The following SYCE2 variants were observed in gnomAD, a reference collection of about 807,000 sequenced individuals.
SYCE2 encodes the protein central element synaptonemal complex 1.
SYCE2 carries 3 observed loss-of-function variants against 27.9 expected under a neutral mutation model. The observed-to-expected ratio is 0.11, with a 90% CI of 0.05 to 0.28. SYCE2 has a LOEUF of 0.28. Ranked by LOEUF, SYCE2 falls within the 10% of genes least tolerant of loss-of-function variation. The pLI, the probability that SYCE2 is intolerant of heterozygous loss-of-function variation, is 1.00. For synonymous variants in SYCE2, 85 were observed against 100.7 expected, an observed-to-expected ratio of 0.84 and a Z score of 0.93; for missense variants, 207 against 263.5, an observed-to-expected ratio of 0.79 and a Z score of 1.48.
chr19:12,917,127 C>T (rs1033962266), intron 2 of SYCE2, among the ~76,000 whole-genome samples: 2 of 150,102 alleles, frequency 1.3e-5, no homozygotes, highest in African/African-American at 4.9e-5. Context: ...TGCAATGGCA[C>T]AATCTTGGCT....
intron 2 of SYCE2, among the ~76,000 whole-genome samples, chr19:12,916,932 T>C (rs914614665): frequency 6.6e-5 from 10 of 152,254 alleles, no homozygotes; most frequent in African/African-American, 1.9e-4. Context: ...GTGTTTTTAG[T>C]AGAGACGGAG....
chr19:12,910,685 A>T (rs746313183), intron 2 of SYCE2, among the ~76,000 whole-genome samples: 14 of 143,214 alleles, frequency 9.8e-5, no homozygotes, highest in Non-Finnish European at 2.1e-4. Context: ...TTATATATAT[A>T]TATTTTTTTT....
At chr19:12,908,412 C>A (rs934714926) in intron 2 of SYCE2, among the ~76,000 whole-genome samples, 2 of 151,844 alleles carry the variant, frequency 1.3e-5, no homozygotes, top group African/African-American at 2.4e-5. Context: ...GCAAGCTCTG[C>A]CTCCCGGGTT....
In SYCE2 at chr19:12,916,873, C is replaced by T. The variant is rs1971147505; in HGVS notation, c.131+1349G>A. Among the ~76,000 whole-genome samples the T allele has an allele frequency of 1.3e-5, 2 of 151,972 alleles. 1 individual carries two copies. The highest frequency in any genetic ancestry group is 4.1e-4 in the South Asian group (2 of 4,822). ...CAAGGGATCCTCCTGCCTTGGCCTC[C>T]TGAATAGCCAGGACTACATGCATGC... On this transcript the variant is annotated intron_variant, in intron 2 of 5. Coordinates refer to ENST00000293695, the MANE Select transcript of SYCE2 (RefSeq NM_001105578.2).
intron 2 of SYCE2, among the ~76,000 whole-genome samples, chr19:12,906,577 T>C (rs893975000): frequency 3.3e-5 from 5 of 152,190 alleles, no homozygotes; most frequent in Non-Finnish European, 7.3e-5. Context: ...AAATTCTGCA[T>C]ATAGATTGCT....
At chr19:12,904,813 C>T (rs1305386069) in intron 2 of SYCE2, 147 bp from the exon 3 acceptor site, 9 of 857,278 alleles carry the variant, frequency 1.0e-5, no homozygotes, top group Non-Finnish European at 1.2e-5. Flanking sequence ...AGCCTGGCAA[C>T]ATGGTGAAAC....
chr19:12,908,319 C>T (rs1970978363), intron 2 of SYCE2, among the ~76,000 whole-genome samples: 1 of 146,938 alleles, frequency 6.8e-6, no homozygotes, highest in Non-Finnish European at 1.5e-5. Flanking sequence ...AGAGTCTCAC[C>T]CTGGGCTTCT....
chr19:12,904,258 T>C (rs575884983), intron 3 of SYCE2, among the ~76,000 whole-genome samples: 3 of 152,288 alleles, frequency 2.0e-5, no homozygotes, highest in Admixed American at 1.3e-4. Flanking sequence ...TAAGGGTAAA[T>C]TGAGATACAG....
chr19:12,913,011 G>A lies in SYCE2; in HGVS notation c.131+5211C>T, dbSNP rs185506561. On this transcript the variant is annotated intron_variant, in intron 2 of 5. Coordinates refer to ENST00000293695, the MANE Select transcript of SYCE2 (RefSeq NM_001105578.2). ...CAATTAACTTTAACAAACAAAATGC[G>A]TGGTGTCCTCTCTGCTGGCTTTCCC... Among the ~76,000 whole-genome samples the A allele has an allele frequency of 1.8e-3, 269 of 152,316 alleles. 2 individuals carry two copies. Among genetic ancestry groups the A allele is most frequent in the Non-Finnish European group, 2.8e-3 (189 of 68,034 alleles).
intron 2 of SYCE2, among the ~76,000 whole-genome samples, chr19:12,911,629 T>TTC (rs1971046619): frequency 6.8e-6 from 1 of 146,926 alleles, no homozygotes; most frequent in South Asian, 2.2e-4. Flanking sequence ...TTTTTTTTTT[T>TTC]TTTTTTTAGA....
Position 12,899,544 on chromosome 19 carries a change from C to T in SYCE2, c.613-159G>A, listed in dbSNP as rs941236951. The T allele has an allele frequency of 2.2e-5, 35 of 1,613,988 alleles. 1 individual carries two copies. Among genetic ancestry groups the T allele is most frequent in the Middle Eastern group, 1.6e-4 (1 of 6,082 alleles). Reference sequence around the variant, plus strand: ...AGGCGTTCACGGCCAGCAAGTGAGCCGCTCCATCAGGGGCCCGAAACTCTC... The same window carrying T: ...AGGCGTTCACGGCCAGCAAGTGAGCTGCTCCATCAGGGGCCCGAAACTCTC... On this transcript the variant is annotated intron_variant, in intron 5 of 5. Coordinates refer to ENST00000293695, the MANE Select transcript of SYCE2 (RefSeq NM_001105578.2).
At chr19:12,904,247 C>G (rs1303154363) in intron 3 of SYCE2, among the ~76,000 whole-genome samples, 1 of 152,164 alleles carries the variant, frequency 6.6e-6, no homozygotes, top group Non-Finnish European at 1.5e-5. Flanking sequence ...TAGGACTATT[C>G]TAAGGGTAAA....
Position 12,899,277 on chromosome 19 carries a change from C to T in SYCE2, c.*64G>A. Reference sequence around the variant, plus strand: ...TGAAAAACAATTTCTCAGTGTGGCCCAAATGGTGGCCTCACAGTCTTCTCC... The same window carrying T: ...TGAAAAACAATTTCTCAGTGTGGCCTAAATGGTGGCCTCACAGTCTTCTCC... On this transcript the variant is annotated 3_prime_UTR_variant, in exon 6 of 6. Coordinates refer to ENST00000293695, the MANE Select transcript of SYCE2 (RefSeq NM_001105578.2). The T allele has an allele frequency of 7.1e-7, 1 of 1,417,078 alleles. No individual in the cohort carries two copies. 87.8% of individuals were successfully genotyped at this position (1,417,078 alleles called of 1,614,324 possible). A position where few individuals can be genotyped will look rare whatever the true frequency, so the allele number is the denominator to read the frequency against.
At position 12,919,200 on chromosome 19, in the gene SYCE2, G is replaced by A. The variant is rs778092462; in HGVS notation, c.15+43C>T. ...GATCGCAGCCGTTCCCTGCCTATCTGTCCGCCCGCCCCACGCGCGAGAAGG... is the reference window on the plus strand; with the variant it reads ...GATCGCAGCCGTTCCCTGCCTATCTATCCGCCCGCCCCACGCGCGAGAAGG... On this transcript the variant is annotated intron_variant, in intron 1 of 5. Transcript: ENST00000293695. 1.9e-6 allele frequency: 3 copies of A among 1,606,966 alleles called. No individual in the cohort carries two copies. The Admixed American group carries it at 5.0e-5, about 27-fold the overall frequency.
Position 12,898,943 on chromosome 19 carries a change from A to G in SYCE2, c.*398T>C, listed in dbSNP as rs147556113. 1,181 of 256,444 alleles carry G rather than the reference A, an allele frequency of 4.6e-3. 14 individuals are homozygous for G. Among genetic ancestry groups the G allele is most frequent in the African/African-American group, 0.024 (1,096 of 44,892 alleles). The allele number at this position is 256,444 out of a possible 1,614,324, so 15.9% of individuals were successfully genotyped here. ...CTGGGAGAGGCGGCTTCAGATGGGC[A>G]GAGGTCAGCTGAGGCAAGTGACTGC... On this transcript the variant is annotated 3_prime_UTR_variant, in exon 6 of 6. Coordinates refer to ENST00000293695, the MANE Select transcript of SYCE2 (RefSeq NM_001105578.2).
intron 1 of SYCE2, 146 bp from the exon 2 acceptor site, chr19:12,918,483 G>A: frequency 1.4e-6 from 1 of 699,766 alleles, no homozygotes; most frequent in Non-Finnish European, 2.5e-6. Flanking sequence ...GGCTGGGGCA[G>A]GTGCCATGAG....
intron 2 of SYCE2, among the ~76,000 whole-genome samples, chr19:12,910,180 C>T (rs994880258): frequency 1.3e-5 from 2 of 151,556 alleles, no homozygotes; most frequent in African/African-American, 4.9e-5. Context: ...TTCTTAATGT[C>T]TCTAAATCTA....
At chr19:12,902,494 G>A (rs769849531) in intron 3 of SYCE2, among the ~76,000 whole-genome samples, 4 of 152,214 alleles carry the variant, frequency 2.6e-5, no homozygotes, top group East Asian at 3.9e-4. Context: ...AATTAGCTGG[G>A]CATGGTGGTG....
In SYCE2 at chr19:12,900,241, C is replaced by A. The variant is rs1266311505; in HGVS notation, c.496-121G>T. ...TCCTTTCTGTCACCACAGAGCTGCT[C>A]ATACAACAGTGGGACATGACAACGG... On this transcript the variant is annotated intron_variant, in intron 4 of 5. Coordinates refer to ENST00000293695, the MANE Select transcript of SYCE2 (RefSeq NM_001105578.2). 28 of 1,257,370 alleles carry A rather than the reference C, an allele frequency of 2.2e-5. No individual in the cohort carries two copies. In the East Asian group the frequency reaches 6.4e-4, roughly 29 times the overall value. The allele number at this position is 1,257,370 out of a possible 1,614,324, so 77.9% of individuals were successfully genotyped here.
Sources: allele counts gnomAD v4.1 joint callset (sites outside exome capture counted in the v4.1 genomes callset), GRCh38; gene constraint gnomAD v4.1.1; transcripts MANE v1.5; gene names NCBI Gene and HGNC (gene_info 2026-07-23, HGNC 2026-07-21).